The following FGF14 variants were observed in gnomAD, a reference collection of about 807,000 sequenced individuals.
FGF14 encodes fibroblast growth factor homologous factor 4.
A neutral mutation model predicts 25.5 loss-of-function variants in FGF14; 5 were observed. The ratio of observed to expected loss-of-function variants is 0.20; its 90% CI spans 0.10 to 0.41. The LOEUF (loss-of-function observed/expected upper bound fraction) is 0.41. FGF14 is among the 10% of genes least tolerant of loss of function. The pLI is 1.00. For missense variants in FGF14, 222 were observed against 320.1 expected, an observed-to-expected ratio of 0.69 and a Z score of 2.34; for synonymous variants, 138 against 118.3, an observed-to-expected ratio of 1.17 and a Z score of -1.08.
At chr13:101,984,997 T>C (rs1195511932) in intron 1 of FGF14, among the ~76,000 whole-genome samples, 1 of 151,580 alleles carries the variant, frequency 6.6e-6, no homozygotes, top group Admixed American at 6.6e-5. Flanking sequence ...ACCTAAAATG[T>C]GAAAAAATAG....
intron 1 of FGF14, chr13:102,401,377 T>G: frequency 8.4e-7 from 1 of 1,192,846 alleles, no homozygotes; most frequent in Non-Finnish European, 1.2e-6. Context: ...ATGTTTCCCC[T>G]GCCTTCCTGC....
chr13:102,058,438 A>G lies in FGF14; in HGVS notation c.209-183142T>C, dbSNP rs372443830. 3.9e-5 allele frequency among the ~76,000 whole-genome samples: 6 copies of G among 152,148 alleles called. No homozygotes were observed. In the East Asian group the frequency reaches 7.7e-4, roughly 20 times the overall value. Reference sequence around the variant, plus strand: ...TCTTCTTCCCTCTTGAGGAAAAGTAATTTCTTAACTTTCATCAAGGGGTTT... The same window carrying G: ...TCTTCTTCCCTCTTGAGGAAAAGTAGTTTCTTAACTTTCATCAAGGGGTTT... On this transcript the variant is annotated intron_variant, in intron 1 of 4. Coordinates refer to the FGF14 transcript ENST00000376131.
chr13:101,784,987 C>T (rs1007202559), intron 3 of FGF14, among the ~76,000 whole-genome samples: 1 of 152,128 alleles, frequency 6.6e-6, no homozygotes, highest in Non-Finnish European at 1.5e-5. Flanking sequence ...TCACTTCTAG[C>T]TTTATTTATA....
chr13:102,145,707 A>G (rs1376807862), intron 1 of FGF14, among the ~76,000 whole-genome samples: 1 of 152,182 alleles, frequency 6.6e-6, no homozygotes, highest in East Asian at 1.9e-4. Context: ...CCCAACAGCT[A>G]TGTTAGGCCC....
At chr13:102,313,035 C>T (rs564725154) in intron 1 of FGF14, among the ~76,000 whole-genome samples, 1 of 152,344 alleles carries the variant, frequency 6.6e-6, no homozygotes, top group East Asian at 1.9e-4. Context: ...TCCTGAGCCA[C>T]AGCCATAGGA....
At chr13:101,831,275 TTTATTTAC>T (rs972052737) in intron 3 of FGF14, among the ~76,000 whole-genome samples, 6 of 130,432 alleles carry the variant, frequency 4.6e-5, no homozygotes, top group Non-Finnish European at 7.0e-5. Context: ...TATTTATTTA[TTTATTTAC>T]GTTGGCCAGG....
chr13:102,050,599 T>G (rs1405407333), intron 1 of FGF14, among the ~76,000 whole-genome samples: 2 of 152,144 alleles, frequency 1.3e-5, no homozygotes, highest in African/African-American at 4.8e-5. Flanking sequence ...ATGTAAATGG[T>G]GGACTACACC....
intron 3 of FGF14, among the ~76,000 whole-genome samples, chr13:101,795,061 T>G (rs2140107679): frequency 6.6e-6 from 1 of 152,292 alleles, no homozygotes; most frequent in Middle Eastern, 3.4e-3. Flanking sequence ...TTTCATTACC[T>G]TAAACCAAAA....
At chr13:102,309,499 G>A (rs1773435956) in intron 1 of FGF14, among the ~76,000 whole-genome samples, 1 of 152,150 alleles carries the variant, frequency 6.6e-6, no homozygotes, top group Non-Finnish European at 1.5e-5. Context: ...GCCTAGATCT[G>A]CTAGGAAAGA....
intron 3 of FGF14, among the ~76,000 whole-genome samples, chr13:101,803,746 A>G (rs1173151924): frequency 1.3e-5 from 2 of 152,128 alleles, no homozygotes; most frequent in Non-Finnish European, 2.9e-5. Flanking sequence ...GAGGAATTGG[A>G]CAGATGTTGC....
At chr13:101,725,021 GTTAAAT>G (rs2035316196) in intron 4 of FGF14, among the ~76,000 whole-genome samples, 2 of 151,850 alleles carry the variant, frequency 1.3e-5, no homozygotes, top group East Asian at 1.9e-4. Context: ...TTTTACCTCG[GTTAAAT>G]GACATAACAG....
chr13:101,981,648 A>C (rs1423354579), intron 1 of FGF14, among the ~76,000 whole-genome samples: 2 of 91,228 alleles, frequency 2.2e-5, no homozygotes, highest in African/African-American at 7.7e-5. Context: ...ATAATTAAAA[A>C]ACAACAACAA....
At chr13:101,888,138 C>T (rs1212871493) in intron 1 of FGF14, among the ~76,000 whole-genome samples, 2 of 152,104 alleles carry the variant, frequency 1.3e-5, no homozygotes, top group African/African-American at 4.8e-5. Flanking sequence ...CTGCAGGCAG[C>T]TCTGGGCACG....
At chr13:101,909,391 G>A (rs964798252) in intron 1 of FGF14, among the ~76,000 whole-genome samples, 30 of 151,948 alleles carry the variant, frequency 2.0e-4, no homozygotes, top group Non-Finnish European at 4.0e-4. Flanking sequence ...AGACAAATTT[G>A]CAAGAAAAAA....
At chr13:102,373,465 C>A (rs1381437544) in intron 1 of FGF14, 1 of 152,116 alleles carries the variant, frequency 6.6e-6, no homozygotes, top group African/African-American at 2.4e-5. Flanking sequence ...CAAGACAGAG[C>A]AGAAGGTTCA....
chr13:102,153,288 G>T (rs942945173), intron 1 of FGF14, among the ~76,000 whole-genome samples: 12 of 152,172 alleles, frequency 7.9e-5, no homozygotes, highest in Admixed American at 6.5e-4. Flanking sequence ...AGATGCCCCT[G>T]ATACGCATAC....
At chr13:102,074,154 G>C (rs2043261467) in intron 1 of FGF14, among the ~76,000 whole-genome samples, 2 of 152,150 alleles carry the variant, frequency 1.3e-5, no homozygotes, top group Admixed American at 1.3e-4. Context: ...GGGACTACAA[G>C]TGTGCACCAC....
intron 1 of FGF14, among the ~76,000 whole-genome samples, chr13:102,074,172 G>A (rs1256436447): frequency 6.6e-6 from 1 of 152,066 alleles, no homozygotes; most frequent in Non-Finnish European, 1.5e-5. Context: ...CACCATACCT[G>A]GCAATTTTAA....
At chr13:102,260,153 G>C (rs1023004329) in intron 1 of FGF14, among the ~76,000 whole-genome samples, 3 of 152,006 alleles carry the variant, frequency 2.0e-5, no homozygotes, top group Non-Finnish European at 4.4e-5. Flanking sequence ...CGGGAGGAGG[G>C]GAGGAGAGAG....
Sources: allele counts gnomAD v4.1 joint callset (sites outside exome capture counted in the v4.1 genomes callset), GRCh38; gene constraint gnomAD v4.1.1; transcripts MANE v1.5; gene names NCBI Gene and HGNC (gene_info 2026-07-23, HGNC 2026-07-21).